Variants in TCF7L1 observed in about 807,000 individuals in gnomAD.
TCF7L1 encodes the protein transcription factor 7-like 1.
TCF7L1 carries 18 observed loss-of-function variants against 63.7 expected under a neutral mutation model. The observed-to-expected ratio is 0.28, with a 90% confidence interval of 0.20 to 0.42. TCF7L1 has a LOEUF of 0.42. TCF7L1 is among the 10% of genes least tolerant of loss of function. TCF7L1 has a pLI of 1.00. For missense variants in TCF7L1, 654 were observed against 779.3 expected (o/e 0.84, Z 1.91); for synonymous variants, 355 against 340.9 (o/e 1.04, Z -0.46).
At chr2:85,264,376 A>C (rs1055203071) in intron 3 of TCF7L1, among the ~76,000 whole-genome samples, 5 of 152,220 alleles carry the variant, frequency 3.3e-5, no homozygotes, top group Admixed American at 2.0e-4. Flanking sequence ...ACACCTACCC[A>C]GTCTGGTGCT....
intron 3 of TCF7L1, among the ~76,000 whole-genome samples, chr2:85,184,735 G>A (rs1322179589): frequency 1.3e-5 from 2 of 152,166 alleles, no homozygotes; most frequent in African/African-American, 4.8e-5. Flanking sequence ...AGACTGAGGT[G>A]GCCCTGCTGA....
chr2:85,196,474 G>A (rs72840130), intron 3 of TCF7L1, among the ~76,000 whole-genome samples: 5,734 of 152,176 alleles, frequency 0.038, 137 homozygotes, highest in Non-Finnish European at 0.058. Context: ...GAATTACCTG[G>A]GGAGCTTGGA....
intron 4 of TCF7L1, among the ~76,000 whole-genome samples, chr2:85,295,061 A>G (rs1056603792): frequency 6.6e-6 from 1 of 152,112 alleles, no homozygotes; most frequent in African/African-American, 2.4e-5. Context: ...AAAATTCTAC[A>G]TAACTTCTCC....
chr2:85,210,466 T>C (rs1412815501), intron 3 of TCF7L1, among the ~76,000 whole-genome samples: 1 of 151,998 alleles, frequency 6.6e-6, no homozygotes, highest in African/African-American at 2.4e-5. Context: ...ACAGCAAAGG[T>C]TGGAAAAGAA....
At chr2:85,286,295 C>CTGAT (rs1681548372) in intron 4 of TCF7L1, among the ~76,000 whole-genome samples, 2 of 150,966 alleles carry the variant, frequency 1.3e-5, no homozygotes, top group Non-Finnish European at 2.9e-5. Context: ...GTGGAAGTTG[C>CTGAT]AGTGAGCTGA....
rs147259247 is a variant in TCF7L1, at chr2:85,203,126, C to T, written c.441+68676C>T. ...CTGGGATTACAGGCATGAGCCACCG[C>T]GCCCGCCCAGTACCTCCTAACTCTT... On this transcript the variant is annotated intron_variant, in intron 3 of 11. Transcript: ENST00000282111. Among the ~76,000 whole-genome samples the T allele has an allele frequency of 1.8e-3, 280 of 152,254 alleles. 4 individuals carry two copies. Among genetic ancestry groups the T allele is most frequent in the African/African-American group, 6.0e-3 (248 of 41,564 alleles).
At chr2:85,283,273 C>CCCCT (rs35750715) in intron 3 of TCF7L1, among the ~76,000 whole-genome samples, 2 of 151,050 alleles carry the variant, frequency 1.3e-5, no homozygotes, top group African/African-American at 4.9e-5. Flanking sequence ...TGTCCCCCCC[C>CCCCT]CCAAAATGAC....
At chr2:85,153,340 A>ATATTTTTTTTTTTTTTTTTTTT (rs750002994) in intron 3 of TCF7L1, among the ~76,000 whole-genome samples, 1 of 102,308 alleles carries the variant, frequency 9.8e-6, no homozygotes, top group African/African-American at 4.2e-5. Context: ...GCCTTTATAA[A>ATATTTTTTTTTTTTTTTTTTTT]TTTTTTTTTT....
intron 3 of TCF7L1, among the ~76,000 whole-genome samples, chr2:85,151,872 C>A (rs531074333): frequency 1.8e-4 from 27 of 152,214 alleles, no homozygotes; most frequent in East Asian, 1.9e-4. Flanking sequence ...AATTTGCTGA[C>A]CCTTGTTTTA....
At chr2:85,177,584 A>C (rs1678707976) in intron 3 of TCF7L1, among the ~76,000 whole-genome samples, 1 of 152,186 alleles carries the variant, frequency 6.6e-6, no homozygotes, top group South Asian at 2.1e-4. Context: ...GCATGCCTGT[A>C]GTCCCAGCTA....
chr2:85,154,273 A>G (rs1228797315), intron 3 of TCF7L1, among the ~76,000 whole-genome samples: 3 of 152,258 alleles, frequency 2.0e-5, no homozygotes, highest in African/African-American at 7.2e-5. Flanking sequence ...GAGAGGACAC[A>G]TGATAGTTTT....
chr2:85,216,266 T>TC (rs966748824), intron 3 of TCF7L1, among the ~76,000 whole-genome samples: 1 of 152,002 alleles, frequency 6.6e-6, no homozygotes, highest in South Asian at 2.1e-4. Context: ...GCAGCTTTTT[T>TC]CCCCCCATCC....
chr2:85,223,757 T>C (rs1161545229), intron 3 of TCF7L1, among the ~76,000 whole-genome samples: 3 of 152,220 alleles, frequency 2.0e-5, no homozygotes, highest in Non-Finnish European at 4.4e-5. Flanking sequence ...AACCCTCCCA[T>C]GAGGTATGTG....
chr2:85,212,812 C>T (rs566799124), intron 3 of TCF7L1, among the ~76,000 whole-genome samples: 18 of 152,160 alleles, frequency 1.2e-4, no homozygotes, highest in South Asian at 1.0e-3. Flanking sequence ...TTCTTCAGGA[C>T]GGTGAGACGA....
intron 3 of TCF7L1, among the ~76,000 whole-genome samples, chr2:85,144,959 C>A (rs1176228949): frequency 6.6e-6 from 1 of 151,790 alleles, no homozygotes; most frequent in South Asian, 2.1e-4. Flanking sequence ...GTAGCACACA[C>A]CTATAATCCC....
rs759045390 is a variant in TCF7L1 at position 85,303,932 on chromosome 2, G to A, written c.696G>A (p.Pro232=). Residue 232 remains proline (P), a synonymous_variant, in exon 6 of 12, where the codon CCG becomes CCA. Transcript: ENST00000282111. ...PRPPHPSELS[P]YYPLSPGAVG... The stretch of plus-strand genomic sequence containing the variant: ...CCCCTCACCCATCCGAGCTGTCACC[G>A]TATTACCCACTCTCTCCCGGAGCTG... 5.6e-6 allele frequency: 9 copies of A among 1,613,462 alleles called. No individual in the cohort carries two copies. The highest frequency in any genetic ancestry group is 1.1e-5 in the South Asian group (1 of 91,054).
intron 3 of TCF7L1, among the ~76,000 whole-genome samples, chr2:85,237,946 G>A (rs1680231699): frequency 6.6e-6 from 1 of 152,042 alleles, no homozygotes. Context: ...AGAGGAAAGT[G>A]ACGCAGGGGG....
intron 4 of TCF7L1, among the ~76,000 whole-genome samples, chr2:85,288,270 T>A (rs1681608314): frequency 6.6e-6 from 1 of 152,174 alleles, no homozygotes; most frequent in African/African-American, 2.4e-5. Flanking sequence ...TTAATTGGTC[T>A]GGGGTGCGGC....
intron 11 of TCF7L1, among the ~76,000 whole-genome samples, 191 bp from the exon 12 acceptor site, chr2:85,308,838 C>T (rs1367873432): frequency 1.3e-5 from 2 of 152,084 alleles, no homozygotes; most frequent in African/African-American, 2.4e-5. Flanking sequence ...TCAGTTTGGG[C>T]GTTGCCTCTT....
Sources: gnomAD v4.1 joint callset for allele counts (sites outside exome capture counted in the v4.1 genomes callset) on GRCh38, gnomAD v4.1.1 for gene constraint, MANE v1.5 for transcripts, NCBI Gene and HGNC (gene_info 2026-07-23, HGNC 2026-07-21) for gene names.